Variants in ANTXRL observed in about 807,000 individuals in gnomAD.
The protein encoded by ANTXRL is anthrax toxin receptor-like.
Under a neutral mutation model 75.4 loss-of-function variants are expected in ANTXRL, and 63 were observed. That is an observed-to-expected ratio of 0.84 (90% CI 0.68 to 1.03). ANTXRL has a LOEUF of 1.03. Ranked by LOEUF, ANTXRL falls within the 50% of genes least tolerant of loss-of-function variation. ANTXRL has a pLI of 0.00. For missense variants in ANTXRL, 797 were observed against 789.4 expected (o/e 1.01, Z -0.12); for synonymous variants, 335 against 291.3 (o/e 1.15, Z -1.53).
In ANTXRL at chr10:46,327,636, G is replaced by C. The variant is rs757394710; in HGVS notation, c.1411-1963G>C. ...TCTCAGTAAGAGAGAGACCATCTCT[G>C]TAGGGGAATCCAGCATTTGAGGCAT... On this transcript the variant is annotated intron_variant, in intron 16 of 16. Coordinates refer to ENST00000620264, the MANE Select transcript of ANTXRL (RefSeq NM_001278688.3). 2.0e-5 allele frequency among the ~76,000 whole-genome samples: 3 copies of C among 152,246 alleles called. No homozygotes were observed. The East Asian group carries it at 5.8e-4, about 29-fold the overall frequency.
Position 46,329,856 on chromosome 10 carries a change from C to T in ANTXRL, c.1668C>T (p.Cys556=). 1 of 1,535,312 alleles carries T rather than the reference C, an allele frequency of 6.5e-7. No individual in the cohort carries two copies. The highest frequency in any genetic ancestry group is 8.7e-7 in the Non-Finnish European group (1 of 1,146,394). Reference sequence around the variant, plus strand: ...AGGCTCCCTGCAGCCCAAGGATCTGCCTGAGACACAGCCCGGAGTACTTTT... The same window carrying T: ...AGGCTCCCTGCAGCCCAAGGATCTGTCTGAGACACAGCCCGGAGTACTTTT... ...RKQAPCSPRI[C]LRHSPEYFSQ... The change falls in exon 17 of 17, where the codon TGC becomes TGT. Residue 556 remains cysteine, a synonymous_variant. Coordinates refer to ENST00000620264, the MANE Select transcript of ANTXRL (RefSeq NM_001278688.3).
At chr10:46,303,390 A>G (rs1309547690) in intron 10 of ANTXRL, among the ~76,000 whole-genome samples, 2 of 152,192 alleles carry the variant, frequency 1.3e-5, no homozygotes, top group Non-Finnish European at 2.9e-5. Context: ...TGGAGGCAAT[A>G]TGGTGCTGGC....
chr10:46,329,446 C>T (rs1437778151), intron 16 of ANTXRL, among the ~76,000 whole-genome samples, 153 bp from the exon 17 acceptor site: 1 of 152,094 alleles, frequency 6.6e-6, no homozygotes, highest in Admixed American at 6.5e-5. Flanking sequence ...AGGCTGGAGG[C>T]AGCACCAAGG....
chr10:46,287,301 C>G lies in ANTXRL; in HGVS notation c.39C>G (p.Val13=). 2 of 1,535,924 alleles carry G rather than the reference C, an allele frequency of 1.3e-6. No homozygotes were observed. Among genetic ancestry groups the G allele is most frequent in the Non-Finnish European group, 1.7e-6 (2 of 1,146,742 alleles). The change falls in exon 1 of 17, where the codon GTC becomes GTG. Residue 13 remains valine (V), a synonymous_variant. Transcript: ENST00000620264. Reference sequence around the variant, plus strand: ...AGTCCCTGGGGCCCTACTTCCTGGTCTTCCTGCTGCTGCTGCTGCTTCCTC... The same window carrying G: ...AGTCCCTGGGGCCCTACTTCCTGGTGTTCCTGCTGCTGCTGCTGCTTCCTC... The part of the protein sequence containing the change: ...SHESLGPYFL[V]FLLLLLLPPP...
intron 1 of ANTXRL, among the ~76,000 whole-genome samples, chr10:46,287,961 AATGTCACTGCTT>A (rs1836832706): frequency 2.0e-5 from 3 of 152,018 alleles, no homozygotes; most frequent in Non-Finnish European, 4.4e-5. Flanking sequence ...TGGGCATTCT[AATGTCACTGCTT>A]AGAGAAGGCC....
Position 46,329,717 on chromosome 10 carries a change from C to A in ANTXRL, c.1529C>A (p.Pro510Gln), listed in dbSNP as rs1438183796. The A allele has an allele frequency of 6.5e-7, 1 of 1,535,272 alleles. No homozygotes were observed. The highest frequency in any genetic ancestry group is 8.7e-7 in the Non-Finnish European group (1 of 1,146,772). The change falls in exon 17 of 17, where the codon CCA becomes CAA. Residue 510 changes from proline (P) to glutamine (Q), a missense_variant. Transcript: ENST00000620264. ...CLSLPQAPCS[P>Q]RMCLRHSREC... ...TCCCTACCACAGGCTCCCTGCAGCCCAAGGATGTGCCTGAGACACAGCCGG... is the reference window on the plus strand; with the variant it reads ...TCCCTACCACAGGCTCCCTGCAGCCAAAGGATGTGCCTGAGACACAGCCGG...
At chr10:46,288,095 T>A (rs2132628514) in intron 1 of ANTXRL, among the ~76,000 whole-genome samples, 1 of 152,242 alleles carries the variant, frequency 6.6e-6, no homozygotes, top group East Asian at 1.9e-4. Context: ...GAAGCTGGGC[T>A]ACGTATTAGG....
At chr10:46,327,586 G>C (rs547450593) in intron 16 of ANTXRL, among the ~76,000 whole-genome samples, 2 of 152,188 alleles carry the variant, frequency 1.3e-5, no homozygotes, top group East Asian at 3.9e-4. Flanking sequence ...GTCACAGGAC[G>C]GGGCCTAGAT....
chr10:46,287,536 C>A, intron 1 of ANTXRL, 26 bp downstream of exon 1: 2 of 1,524,368 alleles, frequency 1.3e-6, no homozygotes, highest in South Asian at 2.4e-5. Flanking sequence ...AGCTCTGGCC[C>A]TGGGTCACCC....
Position 46,292,051 on chromosome 10 carries a change from GT to G in ANTXRL, c.249-3del. The G allele has an allele frequency of 6.5e-7, 1 of 1,536,116 alleles. No homozygotes were observed. Among genetic ancestry groups the G allele is most frequent in the Non-Finnish European group, 8.7e-7 (1 of 1,146,696 alleles). ...ATCTCCCTGACCCACATCTCCTTTT[GT>G]TTTAGGTCTGGCAGCGTGAACAATA... On this transcript the variant is annotated splice_polypyrimidine_tract_variant and splice_region_variant and intron_variant, in intron 1 of 16. Transcript: ENST00000620264.
intron 15 of ANTXRL, among the ~76,000 whole-genome samples, chr10:46,312,166 G>A (rs1838467942): frequency 6.6e-6 from 1 of 150,716 alleles, no homozygotes; most frequent in Admixed American, 6.7e-5. Flanking sequence ...CCGGGCAGCA[G>A]AATCTTCAGG....
intron 16 of ANTXRL, among the ~76,000 whole-genome samples, chr10:46,322,660 T>C (rs1305289787): frequency 6.6e-6 from 1 of 152,148 alleles, no homozygotes; most frequent in South Asian, 2.1e-4. Context: ...GAGCTTTTAA[T>C]AGTAGAAGCT....
At chr10:46,308,333 C>T in intron 12 of ANTXRL, 1 of 397,136 alleles carries the variant, frequency 2.5e-6, no homozygotes, top group East Asian at 7.4e-5. Flanking sequence ...TCGCCAGCGG[C>T]CTTCATGCTC....
intron 16 of ANTXRL, among the ~76,000 whole-genome samples, chr10:46,323,043 A>G (rs1460047111): frequency 6.6e-6 from 1 of 152,198 alleles, no homozygotes; most frequent in Non-Finnish European, 1.5e-5. Flanking sequence ...ACTAGAAGTA[A>G]GAAACCCTTT....
chr10:46,305,551 A>G (rs1838025200), intron 10 of ANTXRL, among the ~76,000 whole-genome samples: 1 of 152,140 alleles, frequency 6.6e-6, no homozygotes, highest in African/African-American at 2.4e-5. Flanking sequence ...TATGCAGTTA[A>G]TGGGCCCTGG....
intron 10 of ANTXRL, among the ~76,000 whole-genome samples, chr10:46,305,710 A>G (rs1199960005): frequency 6.6e-6 from 1 of 152,020 alleles, no homozygotes; most frequent in African/African-American, 2.4e-5. Context: ...ATGTCTACAC[A>G]TTACCGAACT....
intron 1 of ANTXRL, 93 bp downstream of exon 1, chr10:46,287,603 G>A (rs782204553): frequency 1.5e-5 from 21 of 1,439,994 alleles, no homozygotes; most frequent in Non-Finnish European, 1.9e-5. Flanking sequence ...GGAGATGCAA[G>A]CTTCCGTCAC....
chr10:46,291,918 C>G, intron 1 of ANTXRL, 140 bp from the exon 2 acceptor site: 1 of 734,712 alleles, frequency 1.4e-6, no homozygotes, highest in South Asian at 1.7e-5. Context: ...CCAGTGGCCA[C>G]TGGGGGTGTA....
intron 9 of ANTXRL, among the ~76,000 whole-genome samples, chr10:46,301,794 G>A (rs1305331698): frequency 6.6e-6 from 1 of 152,222 alleles, no homozygotes; most frequent in Non-Finnish European, 1.5e-5. Flanking sequence ...AGGAAGCAGG[G>A]TTCACAGGAA....
Sources: allele counts gnomAD v4.1 joint callset (sites outside exome capture counted in the v4.1 genomes callset), GRCh38; gene constraint gnomAD v4.1.1; transcripts MANE v1.5; gene names NCBI Gene and HGNC (gene_info 2026-07-23, HGNC 2026-07-21).